Variants in CAB39 observed in about 807,000 individuals in gnomAD.
CAB39 encodes the protein calcium-binding protein 39.
CAB39 carries 8 observed loss-of-function variants against 40.0 expected under a neutral mutation model. The ratio of observed to expected loss-of-function variants is 0.20; its 90% confidence interval spans 0.12 to 0.36. The LOEUF is 0.36. Ranked by LOEUF, CAB39 falls within the 10% of genes least tolerant of loss-of-function variation. CAB39 has a pLI of 1.00. For missense variants in CAB39, 270 were observed against 401.1 expected (o/e 0.67, Z 2.79); for synonymous variants, 156 against 141.6 (o/e 1.10, Z -0.72).
At chr2:230,736,892 T>C (rs922094294) in intron 1 of CAB39, among the ~76,000 whole-genome samples, 3 of 152,206 alleles carry the variant, frequency 2.0e-5, no homozygotes, top group African/African-American at 7.2e-5. Flanking sequence ...TGGCCCTTTA[T>C]AATGATTCAT....
intron 2 of CAB39, among the ~76,000 whole-genome samples, chr2:230,764,222 A>G (rs562025753): frequency 6.6e-6 from 1 of 152,346 alleles, no homozygotes; most frequent in South Asian, 2.1e-4. Flanking sequence ...AGTAGAAACC[A>G]TACTTTGAGT....
At position 230,820,340 on chromosome 2, in the gene CAB39, G is replaced by C. The variant is rs1472747402; in HGVS notation, c.*1636G>C. On this transcript the variant is annotated 3_prime_UTR_variant, in exon 9 of 9. Coordinates refer to ENST00000258418, the MANE Select transcript of CAB39 (RefSeq NM_016289.4). ...GTTTCAGCAGGTTTTAAACCTTCAG[G>C]AACACCAGTTAGGAAAATAGCTCCA... 6.6e-6 allele frequency: 1 copy of C among 152,122 alleles called. No homozygotes were observed. Among genetic ancestry groups the C allele is most frequent in the Non-Finnish European group, 1.5e-5 (1 of 68,024 alleles). The allele number at this position is 152,122 out of a possible 1,614,324, so 9.4% of individuals were successfully genotyped here. A position where few individuals can be genotyped will look rare whatever the true frequency, so the allele number is the denominator to read the frequency against.
In CAB39 at chr2:230,809,262, G is replaced by A. The variant is rs114751649; in HGVS notation, c.568-1001G>A. Reference sequence around the variant, plus strand: ...TTGACCATGGGACATTTCTTAAAGCGTTTCTCAGAACCAGTGTTTCATTTC... The same window carrying A: ...TTGACCATGGGACATTTCTTAAAGCATTTCTCAGAACCAGTGTTTCATTTC... On this transcript the variant is annotated intron_variant, in intron 5 of 8. Coordinates refer to ENST00000258418, the MANE Select transcript of CAB39 (RefSeq NM_016289.4). Among the ~76,000 whole-genome samples the A allele has an allele frequency of 2.1e-3, 315 of 152,274 alleles. 1 individual carries two copies. Among genetic ancestry groups the A allele is most frequent in the African/African-American group, 7.3e-3 (304 of 41,550 alleles).
At chr2:230,813,978 C>CTTGTT in intron 6 of CAB39, 71 bp from the exon 7 acceptor site, 1 of 111,338 alleles carries the variant, frequency 9.0e-6, no homozygotes. Context: ...ACCTACCAGT[C>CTTGTT]TTTTTTTTTT....
At chr2:230,753,208 TA>T (rs1207395212) in intron 1 of CAB39, among the ~76,000 whole-genome samples, 1 of 152,170 alleles carries the variant, frequency 6.6e-6, no homozygotes, top group African/African-American at 2.4e-5. Flanking sequence ...AGGGGGAAGC[TA>T]AATGTCCATG....
At chr2:230,748,828 AAAAAT>A (rs1290203927) in intron 1 of CAB39, among the ~76,000 whole-genome samples, 33 of 62,724 alleles carry the variant, frequency 5.3e-4, no homozygotes, top group African/African-American at 1.3e-3. Context: ...AAAAAAAAAA[AAAAAT>A]ATATATATAT....
At chr2:230,781,674 C>G (rs1695688720) in intron 2 of CAB39, among the ~76,000 whole-genome samples, 1 of 151,884 alleles carries the variant, frequency 6.6e-6, no homozygotes, top group Non-Finnish European at 1.5e-5. Flanking sequence ...GTGTGAATAC[C>G]TTACTCAGTA....
At chr2:230,725,092 C>T (rs960360615) in intron 1 of CAB39, 63 of 1,590,668 alleles carry the variant, frequency 4.0e-5, no homozygotes, top group South Asian at 1.1e-4. Context: ...AGTCCCTACT[C>T]GGCTGCAAAC....
intron 1 of CAB39, among the ~76,000 whole-genome samples, chr2:230,733,178 C>T (rs1476640276): frequency 1.3e-5 from 2 of 152,172 alleles, no homozygotes; most frequent in African/African-American, 4.8e-5. Context: ...AGACAGCACA[C>T]ATTTATGCCT....
chr2:230,715,529 G>A (rs1332261727), intron 1 of CAB39, among the ~76,000 whole-genome samples: 4 of 152,170 alleles, frequency 2.6e-5, no homozygotes, highest in African/African-American at 9.6e-5. Context: ...CGGCGATGCA[G>A]TGTCCCTTCC....
At chr2:230,747,977 A>G (rs1295369439) in intron 1 of CAB39, among the ~76,000 whole-genome samples, 2 of 152,228 alleles carry the variant, frequency 1.3e-5, no homozygotes, top group Admixed American at 1.3e-4. Context: ...ATTCCTTGTC[A>G]TACCCAGTAT....
intron 2 of CAB39, among the ~76,000 whole-genome samples, chr2:230,765,250 A>G (rs189574904): frequency 9.7e-4 from 148 of 152,220 alleles, no homozygotes; most frequent in African/African-American, 3.2e-3. Context: ...TGGCCTCCCA[A>G]TGGACTGACT....
At chr2:230,789,856 A>G (rs1455842132) in intron 2 of CAB39, among the ~76,000 whole-genome samples, 2 of 152,198 alleles carry the variant, frequency 1.3e-5, no homozygotes, top group Non-Finnish European at 2.9e-5. Context: ...CCTAGCAAGA[A>G]GGTAGGGTAA....
chr2:230,808,241 C>G (rs1471549146), intron 5 of CAB39, among the ~76,000 whole-genome samples: 1 of 152,072 alleles, frequency 6.6e-6, no homozygotes, highest in African/African-American at 2.4e-5. Flanking sequence ...CATGCATCAC[C>G]ACACCCAGCT....
chr2:230,766,252 A>C (rs937612920), intron 2 of CAB39, among the ~76,000 whole-genome samples: 3 of 152,246 alleles, frequency 2.0e-5, no homozygotes, highest in Non-Finnish European at 4.4e-5. Context: ...TCAATGCATA[A>C]AGAAGTGGTT....
In CAB39 at chr2:230,798,787, C is replaced by T. The variant is rs1444581989; in HGVS notation, c.457C>T (p.His153Tyr). 6.2e-7 allele frequency: 1 copy of T among 1,610,698 alleles called. No individual in the cohort carries two copies. The change falls in exon 5 of 9, where the codon CAT (histidine) becomes TAT (tyrosine). Residue 153 changes from histidine to tyrosine, a missense_variant. His to Tyr is a moderately conservative substitution (Grantham distance 83, BLOSUM62 2). Transcript: ENST00000258418. ...AATAATGTTAAGAGAATGCATCAGACATGAACCACTTGCAAAAATCATTTT... is the reference window on the plus strand; with the variant it reads ...AATAATGTTAAGAGAATGCATCAGATATGAACCACTTGCAAAAATCATTTT... ...CGIMLRECIR[H>Y]EPLAKIILWS...
At chr2:230,746,432 T>A (rs1408798859) in intron 1 of CAB39, among the ~76,000 whole-genome samples, 3 of 152,222 alleles carry the variant, frequency 2.0e-5, no homozygotes, top group Admixed American at 2.0e-4. Context: ...GCTGTGACGC[T>A]GCATAACAGG....
intron 1 of CAB39, among the ~76,000 whole-genome samples, chr2:230,758,922 G>T (rs1695241721): frequency 6.6e-6 from 1 of 152,170 alleles, no homozygotes. Flanking sequence ...CTTCCAACAT[G>T]TTCCCAAGTC....
chr2:230,790,254 A>AT (rs1575949022), intron 2 of CAB39, among the ~76,000 whole-genome samples: 2 of 151,838 alleles, frequency 1.3e-5, no homozygotes, highest in East Asian at 3.9e-4. Context: ...AAAAAAAAAA[A>AT]TGTCGTTTTA....
Sources: allele counts gnomAD v4.1 joint callset (sites outside exome capture counted in the v4.1 genomes callset), GRCh38; gene constraint gnomAD v4.1.1; transcripts MANE v1.5; gene names NCBI Gene and HGNC (gene_info 2026-07-23, HGNC 2026-07-21).